The following PSMA8 variants were observed in gnomAD, a reference collection of about 807,000 sequenced individuals.
PSMA8 encodes proteasome 20S subunit alpha 8.
A neutral mutation model predicts 32.4 loss-of-function variants in PSMA8; 18 were observed. The observed-to-expected ratio is 0.56, with a 90% CI of 0.38 to 0.82. The LOEUF (loss-of-function observed/expected upper bound fraction) is 0.82, where lower values mean the gene tolerates loss of function less well. Among genes scored for constraint, PSMA8 ranks in the 40% least tolerant of loss-of-function variants. The pLI is 0.00. For synonymous variants in PSMA8, 104 were observed against 98.1 expected (o/e 1.06, Z -0.36); for missense variants, 298 against 300.7 (o/e 0.99, Z 0.07).
intron 4 of PSMA8, among the ~76,000 whole-genome samples, chr18:26,172,653 TA>T (rs2055232356): frequency 6.6e-6 from 1 of 151,980 alleles, no homozygotes; most frequent in African/African-American, 2.4e-5. Flanking sequence ...TATTTAATAA[TA>T]AATCAATTTA....
intron 4 of PSMA8, among the ~76,000 whole-genome samples, chr18:26,159,007 C>G (rs953958759): frequency 2.6e-5 from 4 of 151,980 alleles, no homozygotes; most frequent in Admixed American, 6.6e-5. Flanking sequence ...CCCTGCCCCC[C>G]GCAAAAAACA....
intron 3 of PSMA8, among the ~76,000 whole-genome samples, chr18:26,157,499 C>T (rs1008565214): frequency 3.3e-5 from 5 of 152,032 alleles, no homozygotes; most frequent in African/African-American, 1.2e-4. Flanking sequence ...GCACAAATTC[C>T]AGGAAGTTCC....
At position 26,155,517 on chromosome 18, in the gene PSMA8, T is replaced by C. The variant is rs541659744; in HGVS notation, c.355-2605T>C. 1.8e-4 allele frequency among the ~76,000 whole-genome samples: 28 copies of C among 152,254 alleles called. No homozygotes were observed. In the South Asian group the frequency reaches 5.6e-3, roughly 30 times the overall value. On this transcript the variant is annotated intron_variant, in intron 3 of 6. Transcript: ENST00000415576. Reference sequence around the variant, plus strand: ...AATAAATCTACATACATTCAACTGATTTTCAGCAGAAATGTCAGAAACGTA... The same window carrying C: ...AATAAATCTACATACATTCAACTGACTTTCAGCAGAAATGTCAGAAACGTA...
chr18:26,144,310 G>C (rs2144278127), intron 1 of PSMA8, among the ~76,000 whole-genome samples: 1 of 152,190 alleles, frequency 6.6e-6, no homozygotes. Flanking sequence ...ATGAGATTAG[G>C]ACACTCATAA....
At chr18:26,192,167 CT>C (rs1316285284) in intron 6 of PSMA8, 151 bp from the exon 7 acceptor site, 4 of 645,824 alleles carry the variant, frequency 6.2e-6, no homozygotes, top group Non-Finnish European at 8.8e-6. Context: ...GCTCTTAGAC[CT>C]CTTGAAATGC....
chr18:26,146,092 C>A (rs541445386), intron 2 of PSMA8, among the ~76,000 whole-genome samples: 3 of 151,064 alleles, frequency 2.0e-5, no homozygotes, highest in African/African-American at 7.3e-5. Context: ...TTTTATTTCC[C>A]TCACGGCTAA....
intron 6 of PSMA8, among the ~76,000 whole-genome samples, chr18:26,191,707 G>A (rs191068570): frequency 5.9e-5 from 9 of 151,970 alleles, no homozygotes; most frequent in East Asian, 3.9e-4. Flanking sequence ...CACCCACCTC[G>A]GCCTCCCAAA....
intron 4 of PSMA8, among the ~76,000 whole-genome samples, chr18:26,168,569 A>T: frequency 9.3e-6 from 1 of 107,936 alleles, no homozygotes; most frequent in Non-Finnish European, 1.7e-5. Flanking sequence ...GCAATAAGTT[A>T]TTATTTTTAA....
At chr18:26,177,012 C>T (rs1296782073) in intron 4 of PSMA8, among the ~76,000 whole-genome samples, 1 of 152,056 alleles carries the variant, frequency 6.6e-6, no homozygotes, top group Non-Finnish European at 1.5e-5. Flanking sequence ...AAAGGATAGA[C>T]CTTTGTGTTT....
At chr18:26,164,881 G>T (rs1286279007) in intron 4 of PSMA8, among the ~76,000 whole-genome samples, 1 of 152,018 alleles carries the variant, frequency 6.6e-6, no homozygotes, top group East Asian at 1.9e-4. Context: ...GTTGAGGGGG[G>T]AGGGTTGTTG....
At chr18:26,138,557 A>G (rs1260289705) in intron 1 of PSMA8, among the ~76,000 whole-genome samples, 16 of 152,230 alleles carry the variant, frequency 1.1e-4, no homozygotes. Context: ...ATAAGCTTTA[A>G]GTAAAGGAAT....
rs1225808008 is a variant in PSMA8 at position 26,178,933 on chromosome 18, T to G, written c.581T>G (p.Ile194Arg). Residue 194 changes from isoleucine to arginine, a missense_variant, in exon 5 of 7, where the codon ATA becomes AGA. Coordinates refer to ENST00000415576, the MANE Select transcript of PSMA8 (RefSeq NM_001025096.2). The part of the protein sequence containing the change: ...ASDSEAIKLA[I>R]KALLEVVQSG... ...GACAGTGAAGCTATCAAGTTAGCAATAAAAGCTTTGCTAGAAGTAAGTGAT... is the reference window on the plus strand; with the variant it reads ...GACAGTGAAGCTATCAAGTTAGCAAGAAAAGCTTTGCTAGAAGTAAGTGAT... The G allele has an allele frequency of 5.6e-6, 9 of 1,612,946 alleles. No individual in the cohort carries two copies. The African/African-American group carries it at 1.2e-4, about 22-fold the overall frequency.
rs183504309 is a variant in PSMA8 at position 26,171,471 on chromosome 18, C to T, written c.478-7359C>T. ...AGTTTCGGCCGGGTGCAGTGGCTCACGCCTGTAATCCCAGCACTTTGGGAG... is the reference window on the plus strand; with the variant it reads ...AGTTTCGGCCGGGTGCAGTGGCTCATGCCTGTAATCCCAGCACTTTGGGAG... On this transcript the variant is annotated intron_variant, in intron 4 of 6. Transcript: ENST00000415576. Among the ~76,000 whole-genome samples, 257 of 152,312 alleles carry T rather than the reference C, an allele frequency of 1.7e-3. 1 individual carries two copies. Among genetic ancestry groups the T allele is most frequent in the African/African-American group, 6.0e-3 (251 of 41,566 alleles).
chr18:26,151,053 A>G (rs1743723385), intron 2 of PSMA8, among the ~76,000 whole-genome samples: 1 of 152,218 alleles, frequency 6.6e-6, no homozygotes, highest in Admixed American at 6.5e-5. Context: ...CTACCCAACT[A>G]TGAGTGATGG....
At chr18:26,157,536 A>G (rs1882116352) in intron 3 of PSMA8, among the ~76,000 whole-genome samples, 2 of 152,138 alleles carry the variant, frequency 1.3e-5, no homozygotes, top group South Asian at 2.1e-4. Flanking sequence ...AATACATACA[A>G]TTGGTTTCCA....
At chr18:26,154,646 A>T (rs1048408726) in intron 3 of PSMA8, among the ~76,000 whole-genome samples, 1 of 151,862 alleles carries the variant, frequency 6.6e-6, no homozygotes, top group Non-Finnish European at 1.5e-5. Flanking sequence ...ATGGAGTCTC[A>T]CTCTGTCACC....
In PSMA8 at chr18:26,193,103, A is replaced by G. The variant is rs1314000410; in HGVS notation, c.*692A>G. 6.6e-6 allele frequency: 1 copy of G among 152,220 alleles called. No homozygotes were observed. Among genetic ancestry groups the G allele is most frequent in the Non-Finnish European group, 1.5e-5 (1 of 68,034 alleles). The allele number at this position is 152,220 out of a possible 1,614,324, so 9.4% of individuals were successfully genotyped here. On this transcript the variant is annotated 3_prime_UTR_variant, in exon 7 of 7. Transcript: ENST00000415576. ...CATGAAAATAAGGAAAGAAATTAAT[A>G]CATATCACTTTTAGTTTAGATTTTT...
Position 26,148,463 on chromosome 18 carries a change from A to T in PSMA8, c.230-3395A>T, listed in dbSNP as rs148939248. ...GAAAATGCATTTGACAAAATTTAAC[A>T]CTCTTTCTTGGTAATGGCACCCAAC... On this transcript the variant is annotated intron_variant, in intron 2 of 6. Coordinates refer to ENST00000415576, the MANE Select transcript of PSMA8 (RefSeq NM_001025096.2). Among the ~76,000 whole-genome samples the T allele has an allele frequency of 3.4e-3, 513 of 152,020 alleles. 3 individuals carry two copies. The highest frequency in any genetic ancestry group is 0.012 in the African/African-American group (481 of 41,506).
intron 6 of PSMA8, among the ~76,000 whole-genome samples, chr18:26,189,753 T>C (rs1187286871): frequency 6.6e-6 from 1 of 151,944 alleles, no homozygotes; most frequent in Non-Finnish European, 1.5e-5. Flanking sequence ...TCAAAAAACA[T>C]AAAATAAAAG....
Sources: allele counts gnomAD v4.1 joint callset (sites outside exome capture counted in the v4.1 genomes callset), GRCh38; gene constraint gnomAD v4.1.1; transcripts MANE v1.5; gene names NCBI Gene and HGNC (gene_info 2026-07-23, HGNC 2026-07-21).